Variants in POTEF observed in about 807,000 individuals in gnomAD.
POTEF encodes the protein ANKRD26-like family C member 1B.
POTEF carries 20 observed loss-of-function variants against 83.2 expected under a neutral mutation model. The observed-to-expected ratio is 0.24, with a 90% confidence interval of 0.17 to 0.35. POTEF has a LOEUF of 0.35. Ranked by LOEUF, POTEF falls within the 10% of genes least tolerant of loss-of-function variation. The pLI is 1.00. For synonymous variants in POTEF, 196 were observed against 446.4 expected (o/e 0.44, Z 7.07); for missense variants, 550 against 1,203.2 (o/e 0.46, Z 8.03).
At chr2:130,100,965 T>C (rs1281195578) in intron 9 of POTEF, among the ~76,000 whole-genome samples, 1 of 149,102 alleles carries the variant, frequency 6.7e-6, no homozygotes, top group African/African-American at 2.6e-5. Context: ...TGAAAAATAA[T>C]TCACCTTAGC....
chr2:130,075,479 T>G lies in POTEF; in HGVS notation c.1993A>C (p.Met665Leu). Reference protein sequence around the residue: ...IAMLRLELDTMKHQSQLREKK... With the variant: ...IAMLRLELDTLKHQSQLREKK... The stretch of plus-strand genomic sequence containing the variant: ...TCTCTTAGCTGGCTCTGATGTTTCA[T>G]TGTGTCTAGCTCCAGTCTTAGCATG... Residue 665 changes from methionine (M) to leucine (L), a missense_variant, in exon 17 of 17, where the codon ATG becomes CTG. Coordinates refer to ENST00000409914, the MANE Select transcript of POTEF (RefSeq NM_001099771.2). 1 of 1,611,406 alleles carries G rather than the reference T, an allele frequency of 6.2e-7. No individual in the cohort carries two copies. The highest frequency in any genetic ancestry group is 8.5e-7 in the Non-Finnish European group (1 of 1,179,630).
intron 3 of POTEF, among the ~76,000 whole-genome samples, chr2:130,118,930 T>G (rs1427413997): frequency 6.6e-6 from 1 of 150,774 alleles, no homozygotes; most frequent in African/African-American, 2.4e-5. Context: ...TATTTGGGTA[T>G]TTCTAAATTT....
chr2:130,120,402 G>C lies in POTEF; in HGVS notation c.114C>G (p.Ser38Arg). 6.2e-7 allele frequency: 1 copy of C among 1,610,636 alleles called. No homozygotes were observed. The change falls in exon 3 of 17, where the codon AGC becomes AGG. Residue 38 changes from serine (S) to arginine (R), a missense_variant. Ser to Arg is a moderately radical substitution (Grantham distance 110). Transcript: ENST00000409914. ...CAGAAGTGCCCACGTTGCTCTTGCC[G>C]CTCTCCCTGCAGCAGGGGAAGCAAC... ...CCRCFPCCRE[S>R]GKSNVGTSGD...
chr2:130,128,488 T>C (rs1425050883), intron 1 of POTEF, among the ~76,000 whole-genome samples: 19 of 142,256 alleles, frequency 1.3e-4, no homozygotes, highest in African/African-American at 4.7e-4. Context: ...GCCGGCAGTG[T>C]AGCCCCCGGA....
intron 8 of POTEF, among the ~76,000 whole-genome samples, 177 bp from the exon 9 acceptor site, chr2:130,102,357 A>G (rs1684397284): frequency 7.7e-6 from 1 of 129,194 alleles, no homozygotes; most frequent in African/African-American, 3.0e-5. Context: ...ACTTGGGGAG[A>G]CACCTGATGT....
intron 1 of POTEF, among the ~76,000 whole-genome samples, chr2:130,128,598 A>C (rs1685156725): frequency 1.6e-5 from 2 of 128,156 alleles, no homozygotes; most frequent in Admixed American, 1.9e-4. Context: ...GATAGTGCCC[A>C]CAACCTGACC....
chr2:130,111,863 C>T (rs1287712268), intron 6 of POTEF, 132 bp downstream of exon 6: 1 of 609,630 alleles, frequency 1.6e-6, no homozygotes, highest in Non-Finnish European at 2.6e-6. Flanking sequence ...AATTGTTTTT[C>T]TACCTAACTG....
rs574339647 is a variant in POTEF, at chr2:130,114,321, T to C, written c.810+560A>G. 2.8e-4 allele frequency among the ~76,000 whole-genome samples: 42 copies of C among 151,708 alleles called. 2 individuals carry two copies. Among genetic ancestry groups the C allele is most frequent in the African/African-American group, 9.5e-4 (39 of 41,184 alleles). On this transcript the variant is annotated intron_variant, in intron 5 of 16. Coordinates refer to ENST00000409914, the MANE Select transcript of POTEF (RefSeq NM_001099771.2). Reference sequence around the variant, plus strand: ...AACACACACACACACAACCTCTTCATGGTCTTTTCCCTCCATTATCTAATT... The same window carrying C: ...AACACACACACACACAACCTCTTCACGGTCTTTTCCCTCCATTATCTAATT...
In POTEF at chr2:130,107,528, T is replaced by A. The variant is rs1323765685; in HGVS notation, c.1126+481A>T. Among the ~76,000 whole-genome samples, 2 of 150,808 alleles carry A rather than the reference T, an allele frequency of 1.3e-5. 1 individual carries two copies. The highest frequency in any genetic ancestry group is 1.3e-4 in the Admixed American group (2 of 15,214). On this transcript the variant is annotated intron_variant, in intron 8 of 16. Coordinates refer to ENST00000409914, the MANE Select transcript of POTEF (RefSeq NM_001099771.2). ...ATGAACCACACCACACAGGAGGAGG[T>A]GAGCAGCAGGCAAGCCAGGGAAGCT...
In POTEF at chr2:130,075,197, G is replaced by C. The variant is rs1251042771; in HGVS notation, c.2275C>G (p.Gln759Glu). Residue 759 changes from glutamine to glutamate, a missense_variant, in exon 17 of 17, where the codon CAG becomes GAG. Transcript: ENST00000409914. ...QKESYVGKEAQSKRGILTLKY... is the reference protein window; with the variant it reads ...QKESYVGKEAESKRGILTLKY... ...AGGGTCAGGATGCCTCTTTTGCTCT[G>C]GGCCTCCTTGCCCACATAGGACTCT... The C allele has an allele frequency of 2.5e-6, 4 of 1,612,594 alleles. No individual in the cohort carries two copies. Among genetic ancestry groups the C allele is most frequent in the African/African-American group, 1.3e-5 (1 of 74,576 alleles).
intron 2 of POTEF, chr2:130,120,822 G>A: frequency 2.1e-6 from 1 of 485,168 alleles, no homozygotes; most frequent in African/African-American, 2.2e-5. Context: ...GCAGAGAAAA[G>A]GTCAAGCCCA....
chr2:130,075,058 A>G lies in POTEF; in HGVS notation c.2414T>C (p.Leu805Pro). 6.2e-7 allele frequency: 1 copy of G among 1,613,782 alleles called. No homozygotes were observed. Among genetic ancestry groups the G allele is most frequent in the South Asian group, 1.1e-5 (1 of 91,072 alleles). Residue 805 changes from leucine to proline, a missense_variant, in exon 17 of 17, where the codon CTG becomes CCG. Physicochemically the swap from Leu to Pro is moderately conservative, Grantham distance 98. Coordinates refer to ENST00000409914, the MANE Select transcript of POTEF (RefSeq NM_001099771.2). ...CTTAGGGTTCAGGGTGGCCTCGGTC[A>G]GCAGGACGGGGTGCTCCTCGGGAGC... ...RVAPEEHPVL[L>P]TEATLNPKAN...
intron 8 of POTEF, among the ~76,000 whole-genome samples, chr2:130,103,799 C>T (rs1483091370): frequency 1.4e-5 from 2 of 140,656 alleles, no homozygotes; most frequent in East Asian, 2.0e-4. Flanking sequence ...CGGCATGCCA[C>T]GCAGCAGCAA....
Position 130,074,020 on chromosome 2 carries a change from T to C in POTEF, c.*224A>G. On this transcript the variant is annotated 3_prime_UTR_variant, in exon 17 of 17. Transcript: ENST00000409914. ...ATGACTATTGAAAAGAAGAACAAGG[T>C]ACAATCAAAGTCCTTGGCCACATTG... The C allele has an allele frequency of 1.0e-6, 1 of 956,766 alleles. No homozygotes were observed. The highest frequency in any genetic ancestry group is 1.8e-5 in the South Asian group (1 of 56,690). 59.3% of individuals were successfully genotyped at this position (956,766 alleles called of 1,614,324 possible).
At chr2:130,100,741 G>T (rs751926035) in intron 9 of POTEF, 21 bp from the exon 10 acceptor site, 128 of 1,607,920 alleles carry the variant, frequency 8.0e-5, no homozygotes, top group East Asian at 4.5e-5. Flanking sequence ...AAAAACAGAA[G>T]GTTAATTTGC....
At position 130,103,291 on chromosome 2, in the gene POTEF, C is replaced by T. The variant is rs540793669; in HGVS notation, c.1127-1111G>A. ...CTAATTTTCGTGTTTTTAGTAGAGACGGGGTTTCACCATTGGCCATGATGG... is the reference window on the plus strand; with the variant it reads ...CTAATTTTCGTGTTTTTAGTAGAGATGGGGTTTCACCATTGGCCATGATGG... On this transcript the variant is annotated intron_variant, in intron 8 of 16. Coordinates refer to ENST00000409914, the MANE Select transcript of POTEF (RefSeq NM_001099771.2). 6.2e-3 allele frequency among the ~76,000 whole-genome samples: 926 copies of T among 150,136 alleles called. 11 individuals are homozygous for T. The highest frequency in any genetic ancestry group is 0.01 in the Non-Finnish European group (688 of 67,800).
At chr2:130,113,953 T>C (rs1012166244) in intron 5 of POTEF, among the ~76,000 whole-genome samples, 6 of 151,988 alleles carry the variant, frequency 3.9e-5, no homozygotes, top group Admixed American at 6.6e-5. Flanking sequence ...GAACAGGGTC[T>C]AGTCAACTCA....
chr2:130,104,427 T>C (rs1210942558), intron 8 of POTEF, among the ~76,000 whole-genome samples: 1 of 146,454 alleles, frequency 6.8e-6, no homozygotes, highest in Non-Finnish European at 1.5e-5. Flanking sequence ...TACTAGCCTA[T>C]ACAAAAAACA....
chr2:130,080,392 A>G (rs1189450391), intron 15 of POTEF, among the ~76,000 whole-genome samples: 1 of 71,614 alleles, frequency 1.4e-5, no homozygotes, highest in African/African-American at 7.4e-5. Context: ...AAAAGTGAAC[A>G]AGAAAAGGAA....
Sources: allele counts gnomAD v4.1 joint callset (sites outside exome capture counted in the v4.1 genomes callset), GRCh38; gene constraint gnomAD v4.1.1; transcripts MANE v1.5; gene names NCBI Gene and HGNC (gene_info 2026-07-23, HGNC 2026-07-21).